The following LRCH4 variants were observed in gnomAD, a reference collection of about 807,000 sequenced individuals.
LRCH4 encodes leucine rich repeats and calponin homology domain containing 4, also known as leucine-rich repeat and calponin homology domain-containing protein 4.
Under a neutral mutation model 81.2 loss-of-function variants are expected in LRCH4, and 56 were observed. The observed-to-expected ratio is 0.69, with a 90% CI of 0.56 to 0.86. The LOEUF is 0.86. Ranked by LOEUF, LRCH4 falls within the 40% of genes least tolerant of loss-of-function variation. The pLI, the probability that LRCH4 is intolerant of heterozygous loss-of-function variation, is 0.00. For missense variants in LRCH4, 895 were observed against 922.8 expected (o/e 0.97, Z 0.39); for synonymous variants, 442 against 409.7 (o/e 1.08, Z -0.95).
chr7:100,585,862 G>C lies in LRCH4; in HGVS notation c.220+19C>G. On this transcript the variant is annotated intron_variant, in intron 1 of 17. Coordinates refer to ENST00000310300, the MANE Select transcript of LRCH4 (RefSeq NM_002319.5). Reference sequence around the variant, plus strand: ...GCAAATGAGGGACCCGGTTGGGCCCGGGGCCCGGCTGCACTCACCAGCCTG... The same window carrying C: ...GCAAATGAGGGACCCGGTTGGGCCCCGGGCCCGGCTGCACTCACCAGCCTG... 2 of 1,549,230 alleles carry C rather than the reference G, an allele frequency of 1.3e-6. No individual in the cohort carries two copies. Among genetic ancestry groups the C allele is most frequent in the Non-Finnish European group, 1.8e-6 (2 of 1,142,172 alleles).
At chr7:100,579,883 C>T (rs1261926869) in intron 4 of LRCH4, 3 of 152,246 alleles carry the variant, frequency 2.0e-5, no homozygotes, top group African/African-American at 7.2e-5. Flanking sequence ...TTGGATGGAA[C>T]TCATTGCTCT....
chr7:100,584,793 G>A (rs1801672929), intron 1 of LRCH4: 1 of 456,540 alleles, frequency 2.2e-6, no homozygotes, highest in Admixed American at 2.4e-5. Flanking sequence ...CAGGTGAGCA[G>A]GCACCTGCTT....
chr7:100,574,516 G>A lies in LRCH4; in HGVS notation c.*591C>T, dbSNP rs1224726524. 6.6e-6 allele frequency: 1 copy of A among 152,348 alleles called. No homozygotes were observed. The highest frequency in any genetic ancestry group is 2.4e-5 in the African/African-American group (1 of 41,414). The allele number at this position is 152,348 out of a possible 1,614,324, so 9.4% of individuals were successfully genotyped here. On this transcript the variant is annotated 3_prime_UTR_variant, in exon 18 of 18. Transcript: ENST00000310300. ...AGCGATAACAGAAGGGAGGTGACAC[G>A]GGGGGTTGGCGGACGCTCCGGGAGC...
At position 100,585,863 on chromosome 7, in the gene LRCH4, G is replaced by A. The variant is rs1330439212; in HGVS notation, c.220+18C>T. On this transcript the variant is annotated intron_variant, in intron 1 of 17. Transcript: ENST00000310300. Reference sequence around the variant, plus strand: ...CAAATGAGGGACCCGGTTGGGCCCGGGGCCCGGCTGCACTCACCAGCCTGG... The same window carrying A: ...CAAATGAGGGACCCGGTTGGGCCCGAGGCCCGGCTGCACTCACCAGCCTGG... 3.2e-6 allele frequency: 5 copies of A among 1,555,266 alleles called. No homozygotes were observed. The South Asian group carries it at 3.5e-5, about 11-fold the overall frequency.
rs1468136261 is a variant in LRCH4, at chr7:100,574,388, G to C, written c.*719C>G. The C allele has an allele frequency of 6.4e-6, 1 of 155,962 alleles. No individual in the cohort carries two copies. Among genetic ancestry groups the C allele is most frequent in the Admixed American group, 6.5e-5 (1 of 15,300 alleles). 9.7% of individuals were successfully genotyped at this position (155,962 alleles called of 1,614,324 possible). ...GAAGGGGCCGGGTTAGCTTCCCCAC[G>C]GTGCCCCCTGCGGCTTCCGGCCTGT... On this transcript the variant is annotated 3_prime_UTR_variant, in exon 18 of 18. Coordinates refer to ENST00000310300, the MANE Select transcript of LRCH4 (RefSeq NM_002319.5).
At chr7:100,579,912 A>T (rs1290877460) in intron 4 of LRCH4, 2 of 152,222 alleles carry the variant, frequency 1.3e-5, no homozygotes, top group Non-Finnish European at 2.9e-5. Context: ...TCCCCAGGAC[A>T]TCTTGCTTGG....
chr7:100,581,628 C>A (rs762455767), intron 4 of LRCH4, 149 bp downstream of exon 4: 1 of 665,336 alleles, frequency 1.5e-6, no homozygotes, highest in Non-Finnish European at 2.6e-6. Context: ...ATGGAAGCAC[C>A]CAGATCCTGA....
At position 100,578,837 on chromosome 7, in the gene LRCH4, C is replaced by T. The variant is rs756926422; in HGVS notation, c.599-51G>A. On this transcript the variant is annotated intron_variant, in intron 4 of 17. Transcript: ENST00000310300. The surrounding 1 kb of genome is among the most constrained non-coding windows in gnomAD (Gnocchi z 5.7). ...TCAGGAACATGCTCAGGGCTGTGGC[C>T]TCGTGCTCACTCCCTCACCCTTGGC... is the stretch of plus-strand genomic sequence containing the variant. 18 of 1,582,614 alleles carry T rather than the reference C, an allele frequency of 1.1e-5. No individual in the cohort carries two copies. The highest frequency in any genetic ancestry group is 8.5e-5 in the Admixed American group (5 of 58,512).
chr7:100,574,627 C>CGT lies in LRCH4; in HGVS notation c.*479_*480insAC, dbSNP rs1166920739. The CGT allele has an allele frequency of 9.4e-4, 146 of 155,228 alleles. 1 individual carries two copies. Among genetic ancestry groups the CGT allele is most frequent in the African/African-American group, 1.6e-3 (67 of 41,282 alleles). 9.6% of individuals were successfully genotyped at this position (155,228 alleles called of 1,614,324 possible). ...CCAACACGCGGAGCAGACGCGCGCGCGCGCGCACACACACACACACAGGCA... is the reference window on the plus strand; with the variant it reads ...CCAACACGCGGAGCAGACGCGCGCGCGTGCGCGCACACACACACACACAGGCA... On this transcript the variant is annotated 3_prime_UTR_variant, in exon 18 of 18. Coordinates refer to ENST00000310300, the MANE Select transcript of LRCH4 (RefSeq NM_002319.5).
chr7:100,580,258 CT>C (rs1050349705), intron 4 of LRCH4: 2 of 152,250 alleles, frequency 1.3e-5, no homozygotes, highest in African/African-American at 4.8e-5. Context: ...TGCCACCTCC[CT>C]CTAGCCCCCG....
Position 100,576,006 on chromosome 7 carries a change from G to A in LRCH4, c.1641C>T (p.Val547=). 2 of 1,603,458 alleles carry A rather than the reference G, an allele frequency of 1.2e-6. No homozygotes were observed. The highest frequency in any genetic ancestry group is 8.5e-7 in the Non-Finnish European group (1 of 1,178,612). The change falls in exon 16 of 18, where the codon GTC becomes GTT. Residue 547 remains valine (V), a splice_region_variant and synonymous_variant. Coordinates refer to ENST00000310300, the MANE Select transcript of LRCH4 (RefSeq NM_002319.5). ...EKDLMTQLRQ[V]LESRLQRPLP... ...GGGGCCGCTGCAGCCGGGACTCAAG[G>A]ACCTGGCAGTGTAGACCACATAGAG...
At chr7:100,576,355 C>G (rs1256696375) in intron 14 of LRCH4, 32 bp from the exon 15 acceptor site, 2 of 1,445,850 alleles carry the variant, frequency 1.4e-6, no homozygotes, top group Non-Finnish European at 1.9e-6. Flanking sequence ...GGGGCTGCCT[C>G]CACTGCTCAC....
Position 100,578,084 on chromosome 7 carries a change from A to G in LRCH4, c.948+75T>C, listed in dbSNP as rs1215735888. 3 of 1,481,948 alleles carry G rather than the reference A, an allele frequency of 2.0e-6. No individual in the cohort carries two copies. The highest frequency in any genetic ancestry group is 1.4e-5 in the African/African-American group (1 of 71,960). 91.8% of individuals were successfully genotyped at this position (1,481,948 alleles called of 1,614,324 possible). ...TCCAGCCTCTGCCTGGCACCCTGCA[A>G]TTTGGAGGTCCCCAGTTCAGAGGTG... On this transcript the variant is annotated intron_variant, in intron 7 of 17. Coordinates refer to ENST00000310300, the MANE Select transcript of LRCH4 (RefSeq NM_002319.5). The surrounding 1 kb of genome is among the most constrained non-coding windows in gnomAD (Gnocchi z 5.7).
Position 100,578,872 on chromosome 7 carries a change from C to T in LRCH4, c.599-86G>A. 1 of 1,477,446 alleles carries T rather than the reference C, an allele frequency of 6.8e-7. No individual in the cohort carries two copies. The highest frequency in any genetic ancestry group is 9.2e-7 in the Non-Finnish European group (1 of 1,085,306). The allele number at this position is 1,477,446 out of a possible 1,614,324, so 91.5% of individuals were successfully genotyped here. On this transcript the variant is annotated intron_variant, in intron 4 of 17. Coordinates refer to ENST00000310300, the MANE Select transcript of LRCH4 (RefSeq NM_002319.5). This position sits in a 1 kb window ranked among gnomAD's most constrained non-coding sequence, Gnocchi z 5.7. ...CTCCCTCACCCTTGGCTCCAGCTGG[C>T]CAGTCACCCTGGGCCCAGCACAGCC...
In LRCH4 at chr7:100,585,300, G is replaced by C. The variant is rs1257817019; in HGVS notation, c.220+581C>G. Reference sequence around the variant, plus strand: ...TAGGCGGAAGAGCTCAGGGAGAAAAGAGTGAGGGGAGGTAGAGATTTGTTT... The same window carrying C: ...TAGGCGGAAGAGCTCAGGGAGAAAACAGTGAGGGGAGGTAGAGATTTGTTT... On this transcript the variant is annotated intron_variant, in intron 1 of 17. Coordinates refer to ENST00000310300, the MANE Select transcript of LRCH4 (RefSeq NM_002319.5). 4 of 161,428 alleles carry C rather than the reference G, an allele frequency of 2.5e-5. No homozygotes were observed. In the East Asian group the frequency reaches 7.6e-4, roughly 30 times the overall value. The allele number at this position is 161,428 out of a possible 1,614,324, so 10.0% of individuals were successfully genotyped here.
rs750002351 is a variant in LRCH4, at chr7:100,581,810, C to T, written c.565G>A (p.Val189Ile). The T allele has an allele frequency of 5.0e-6, 8 of 1,614,060 alleles. No individual in the cohort carries two copies. The Admixed American group carries it at 1.2e-4, about 24-fold the overall frequency. ...AGCGTACTGAGCTGGTTCCTCCGGACATTGAGGTCCCGCAGGGAAGAGAGG... is the reference window on the plus strand; with the variant it reads ...AGCGTACTGAGCTGGTTCCTCCGGATATTGAGGTCCCGCAGGGAAGAGAGG... ...CGLSSLRDLN[V>I]RRNQLSTLPE... Residue 189 changes from valine to isoleucine, a missense_variant, in exon 4 of 18, where the codon GTC becomes ATC. Coordinates refer to ENST00000310300, the MANE Select transcript of LRCH4 (RefSeq NM_002319.5).
At chr7:100,584,771 C>T (rs984447574) in intron 1 of LRCH4, 1 of 456,632 alleles carries the variant, frequency 2.2e-6, no homozygotes. Flanking sequence ...CCAGTGCCGG[C>T]CTGAGTGTTC....
At position 100,578,679 on chromosome 7, in the gene LRCH4, T is replaced by C. The variant is rs368249205; in HGVS notation, c.706A>G (p.Ser236Gly). ...LRHLQVILLDSNPLQSPPAQV... is the reference protein window; with the variant it reads ...LRHLQVILLDGNPLQSPPAQV... Reference sequence around the variant, plus strand: ...GCAGGTGGACTCTGCAGAGGGTTGCTGTCCAGCAGAATGACCTGCAGGTGC... The same window carrying C: ...GCAGGTGGACTCTGCAGAGGGTTGCCGTCCAGCAGAATGACCTGCAGGTGC... The change falls in exon 5 of 18, where the codon AGC (serine) becomes GGC (glycine). Residue 236 changes from serine to glycine, a missense_variant. Ser to Gly is a moderately conservative substitution (Grantham distance 56). Coordinates refer to ENST00000310300, the MANE Select transcript of LRCH4 (RefSeq NM_002319.5). This position sits in a 1 kb window ranked among gnomAD's most constrained non-coding sequence, Gnocchi z 5.7. 1 of 1,614,056 alleles carries C rather than the reference T, an allele frequency of 6.2e-7. No individual in the cohort carries two copies. Among genetic ancestry groups the C allele is most frequent in the African/African-American group, 1.3e-5 (1 of 74,928 alleles).
Position 100,574,863 on chromosome 7 carries a change from C to CG in LRCH4, c.*243dup. 1 of 443,376 alleles carries CG rather than the reference C, an allele frequency of 2.3e-6. No individual in the cohort carries two copies. The highest frequency in any genetic ancestry group is 4.0e-6 in the Non-Finnish European group (1 of 247,442). The allele number at this position is 443,376 out of a possible 1,614,324, so 27.5% of individuals were successfully genotyped here. A position where few individuals can be genotyped will look rare whatever the true frequency, so the allele number is the denominator to read the frequency against. ...GTACAGAGGGCAGGGGCAGGGCCGGCGGGGACATGAAGGCACCGTCAGCAC... is the reference window on the plus strand; with the variant it reads ...GTACAGAGGGCAGGGGCAGGGCCGGCGGGGGACATGAAGGCACCGTCAGCAC... On this transcript the variant is annotated 3_prime_UTR_variant, in exon 18 of 18. Coordinates refer to ENST00000310300, the MANE Select transcript of LRCH4 (RefSeq NM_002319.5).
Sources: gnomAD v4.1 joint callset for allele counts on GRCh38, gnomAD v4.1.1 for gene constraint, Gnocchi (gnomAD v3.1) non-coding constraint, MANE v1.5 for transcripts, NCBI Gene and HGNC (gene_info 2026-07-23, HGNC 2026-07-21) for gene names.